Variants in ABCA6 observed in about 807,000 individuals in gnomAD.
ABCA6 encodes ATP-binding cassette sub-family A member 6.
A neutral mutation model predicts 191.2 loss-of-function variants in ABCA6; 164 were observed. The ratio of observed to expected loss-of-function variants is 0.86; its 90% confidence interval spans 0.76 to 0.98. The LOEUF is 0.98. ABCA6 is among the 50% of genes least tolerant of loss of function. The pLI, the probability that ABCA6 is intolerant of heterozygous loss-of-function variation, is 0.00. For synonymous variants in ABCA6, 636 were observed against 647.7 expected, an observed-to-expected ratio of 0.98 and a Z score of 0.27; for missense variants, 1,958 against 1,894.1, an observed-to-expected ratio of 1.03 and a Z score of -0.63.
At chr17:69,132,134 G>A (rs2073874533) in intron 6 of ABCA6, among the ~76,000 whole-genome samples, 1 of 151,950 alleles carries the variant, frequency 6.6e-6, no homozygotes, top group Non-Finnish European at 1.5e-5. Flanking sequence ...AAAATTTACT[G>A]TACCATAGTT....
chr17:69,084,198 A>G, intron 34 of ABCA6, 63 bp downstream of exon 34: 1 of 1,492,618 alleles, frequency 6.7e-7, no homozygotes, highest in South Asian at 1.2e-5. Flanking sequence ...TTCCAAGACC[A>G]GTTAAAATAT....
rs184126781 is a variant in ABCA6, at chr17:69,123,539, T to A, written c.1268-132A>T. On this transcript the variant is annotated intron_variant, in intron 9 of 38. Coordinates refer to ENST00000284425, the MANE Select transcript of ABCA6 (RefSeq NM_080284.3). ...AGACATTTTTTCTTCTAAAACTCAA[T>A]TTATTATTAAGAAGAAAACTTGATG... 61 of 524,252 alleles carry A rather than the reference T, an allele frequency of 1.2e-4. 2 individuals carry two copies. In the East Asian group the frequency reaches 2.1e-3, roughly 18 times the overall value. 32.5% of individuals were successfully genotyped at this position (524,252 alleles called of 1,614,324 possible).
intron 32 of ABCA6, among the ~76,000 whole-genome samples, 163 bp from the exon 33 acceptor site, chr17:69,084,670 C>CTT (rs71144653): frequency 1.3e-3 from 191 of 145,548 alleles, no homozygotes; most frequent in African/African-American, 4.6e-3. Context: ...ACATGAAAGA[C>CTT]TTTTTTTTTT....
At chr17:69,097,567 A>C (rs1052427080) in intron 23 of ABCA6, among the ~76,000 whole-genome samples, 1 of 152,130 alleles carries the variant, frequency 6.6e-6, no homozygotes, top group African/African-American at 2.4e-5. Context: ...CAATTTCCAG[A>C]GTGGAAAAGG....
intron 36 of ABCA6, 29 bp downstream of exon 36, chr17:69,082,844 A>G (rs1314859736): frequency 3.1e-6 from 5 of 1,613,432 alleles, no homozygotes; most frequent in Admixed American, 1.7e-5. Context: ...AACCCTCCAT[A>G]TTTCTCCATA....
intron 5 of ABCA6, among the ~76,000 whole-genome samples, chr17:69,134,400 A>T (rs1483240479): frequency 6.6e-6 from 1 of 152,138 alleles, no homozygotes. Context: ...TCACGTGAGG[A>T]CACTTAGACG....
intron 28 of ABCA6, 156 bp from the exon 29 acceptor site, chr17:69,087,629 A>T: frequency 7.4e-6 from 7 of 949,312 alleles, no homozygotes; most frequent in South Asian, 3.3e-5. Context: ...TTTGCCAAGA[A>T]CTCCTGTCCC....
rs1052698899 is a variant in ABCA6 at position 69,107,641 on chromosome 17, T to C, written c.2389+55A>G. 9.2e-6 allele frequency: 11 copies of C among 1,190,812 alleles called. No homozygotes were observed. In the East Asian group the frequency reaches 9.4e-5, roughly 10 times the overall value. The allele number at this position is 1,190,812 out of a possible 1,614,324, so 73.8% of individuals were successfully genotyped here. On this transcript the variant is annotated intron_variant, in intron 18 of 38. Transcript: ENST00000284425. ...CCCATAAGAAATTATAAATACTAAA[T>C]TGACACATGATCATTTGGGAATTGG...
Position 69,137,437 on chromosome 17 carries a change from C to A in ABCA6, c.160G>T (p.Val54Phe), listed in dbSNP as rs778719999. 1 of 1,613,712 alleles carries A rather than the reference C, an allele frequency of 6.2e-7. No individual in the cohort carries two copies. Among genetic ancestry groups the A allele is most frequent in the Admixed American group, 1.7e-5 (1 of 59,962 alleles). Residue 54 changes from valine to phenylalanine, a missense_variant, in exon 3 of 39, where the codon GTC (valine) becomes TTC (phenylalanine). Val to Phe is a conservative substitution (Grantham distance 50). Transcript: ENST00000284425. Reference sequence around the variant, plus strand: ...TGAGGAGCCATTCCAGGAAACTGGACATTTCTCATGGAACTGGAAAACAGA... The same window carrying A: ...TGAGGAGCCATTCCAGGAAACTGGAAATTTCTCATGGAACTGGAAAACAGA... ...IALFSSSMRN[V>F]QFPGMAPQNL...
chr17:69,091,949 G>A (rs1376136317), intron 25 of ABCA6, among the ~76,000 whole-genome samples: 1 of 150,288 alleles, frequency 6.7e-6, no homozygotes, highest in African/African-American at 2.5e-5. Flanking sequence ...AAAGTTACAT[G>A]GCTATTATAA....
At chr17:69,137,061 G>A (rs1258757319) in intron 3 of ABCA6, among the ~76,000 whole-genome samples, 2 of 152,040 alleles carry the variant, frequency 1.3e-5, no homozygotes, top group Admixed American at 1.3e-4. Flanking sequence ...TCTGGGTTTA[G>A]TTATATTCCA....
intron 5 of ABCA6, 86 bp from the exon 6 acceptor site, chr17:69,133,953 G>A (rs1169383196): frequency 1.0e-6 from 1 of 958,558 alleles, no homozygotes; most frequent in East Asian, 2.7e-5. Flanking sequence ...TTTTACTTAT[G>A]TCGGTTCTCC....
At chr17:69,080,090 G>A (rs975976156) in intron 37 of ABCA6, among the ~76,000 whole-genome samples, 2 of 152,088 alleles carry the variant, frequency 1.3e-5, no homozygotes, top group East Asian at 3.8e-4. Context: ...CCTGAGGCAG[G>A]AGCTTACATG....
In ABCA6 at chr17:69,114,627, C is replaced by T. The variant is rs190005107; in HGVS notation, c.1782+135G>A. The T allele has an allele frequency of 1.0e-4, 79 of 786,492 alleles. 2 individuals are homozygous for T. The East Asian group carries it at 1.8e-3, about 18-fold the overall frequency. 48.7% of individuals were successfully genotyped at this position (786,492 alleles called of 1,614,324 possible). A position where few individuals can be genotyped will look rare whatever the true frequency, so the allele number is the denominator to read the frequency against. On this transcript the variant is annotated intron_variant, in intron 13 of 38. Transcript: ENST00000284425. The stretch of plus-strand genomic sequence containing the variant: ...AATTTTAACCACTCATTAAAGCAGT[C>T]GATATTTGTTATGGGACCTCTTTGC...
At chr17:69,125,323 T>A (rs2073730750) in intron 8 of ABCA6, among the ~76,000 whole-genome samples, 1 of 151,928 alleles carries the variant, frequency 6.6e-6, no homozygotes, top group South Asian at 2.1e-4. Flanking sequence ...TACAAATATC[T>A]ATTCTGGGCA....
chr17:69,105,342 A>G (rs977076345), intron 20 of ABCA6, 120 bp downstream of exon 20: 3 of 966,862 alleles, frequency 3.1e-6, no homozygotes, highest in African/African-American at 3.3e-5. Context: ...GGTGTTTTCT[A>G]TAAATGAAGT....
At chr17:69,118,669 T>A (rs1230721115) in intron 10 of ABCA6, among the ~76,000 whole-genome samples, 2 of 152,090 alleles carry the variant, frequency 1.3e-5, no homozygotes, top group Non-Finnish European at 2.9e-5. Context: ...TAATGGTGAC[T>A]TAATTGCTTT....
rs1395152953 is a variant in ABCA6, at chr17:69,100,789, A to G, written c.3012+8T>C. On this transcript the variant is annotated splice_region_variant and intron_variant, in intron 22 of 38. Transcript: ENST00000284425. ...TAATTGTTTAGACTCAGTAAATCCA[A>G]TACTTACAAGAGGAAATGGGCTTGA... The G allele has an allele frequency of 3.1e-6, 5 of 1,604,138 alleles. No individual in the cohort carries two copies. Among genetic ancestry groups the G allele is most frequent in the East Asian group, 2.2e-5 (1 of 44,660 alleles).
intron 13 of ABCA6, among the ~76,000 whole-genome samples, chr17:69,113,989 T>G (rs550088606): frequency 5.3e-4 from 80 of 152,242 alleles, no homozygotes; most frequent in Middle Eastern, 3.4e-3. Context: ...GTTCAACCAT[T>G]GTGCAAGTCA....
Sources: allele counts gnomAD v4.1 joint callset (sites outside exome capture counted in the v4.1 genomes callset), GRCh38; gene constraint gnomAD v4.1.1; transcripts MANE v1.5; gene names NCBI Gene and HGNC (gene_info 2026-07-23, HGNC 2026-07-21).